FYN: variants seen among roughly 807,000 people sequenced by gnomAD.
FYN encodes the protein FYN proto-oncogene, Src family tyrosine kinase, also known as tyrosine-protein kinase Fyn.
FYN carries 10 observed loss-of-function variants against 70.2 expected under a neutral mutation model. That is an observed-to-expected ratio of 0.14 (90% confidence interval 0.09 to 0.24). The LOEUF is 0.24. Ranked by LOEUF, FYN falls within the 10% of genes least tolerant of loss-of-function variation. The probability of loss-of-function intolerance (pLI) is 1.00; values close to 1 mark genes in which losing one functional copy is unlikely to be tolerated. For synonymous variants in FYN, 236 were observed against 248.6 expected, an observed-to-expected ratio of 0.95 and a Z score of 0.48; for missense variants, 319 against 673.1, an observed-to-expected ratio of 0.47 and a Z score of 5.82.
At chr6:111,710,108 C>G (rs706879) in intron 5 of FYN, among the ~76,000 whole-genome samples, 1 of 152,038 alleles carries the variant, frequency 6.6e-6, no homozygotes, top group East Asian at 1.9e-4. Flanking sequence ...TACCCAGCTC[C>G]TCCCCCTCCA....
chr6:111,794,135 C>A (rs1260890735), intron 2 of FYN, among the ~76,000 whole-genome samples: 1 of 152,220 alleles, frequency 6.6e-6, no homozygotes, highest in African/African-American at 2.4e-5. Context: ...GACACCCGGG[C>A]CTTTCTTTGG....
chr6:111,730,960 G>A (rs1801420473), intron 3 of FYN, among the ~76,000 whole-genome samples: 1 of 152,206 alleles, frequency 6.6e-6, no homozygotes, highest in South Asian at 2.1e-4. Flanking sequence ...TCTGGGCTGC[G>A]CCTGTTTAAG....
intron 2 of FYN, among the ~76,000 whole-genome samples, chr6:111,846,099 T>C (rs1010315163): frequency 2.0e-5 from 3 of 152,188 alleles, no homozygotes; most frequent in African/African-American, 7.2e-5. Context: ...AAATGTTACA[T>C]TAATGAAAGA....
At chr6:111,672,343 A>G (rs1431121752) in intron 13 of FYN, among the ~76,000 whole-genome samples, 1 of 152,166 alleles carries the variant, frequency 6.6e-6, no homozygotes, top group Admixed American at 6.5e-5. Flanking sequence ...ATCACAGCCC[A>G]CTGCAGACCA....
At chr6:111,798,819 T>C (rs1216228920) in intron 2 of FYN, among the ~76,000 whole-genome samples, 2 of 152,256 alleles carry the variant, frequency 1.3e-5, no homozygotes, top group Non-Finnish European at 2.9e-5. Context: ...CAGTGCCAGA[T>C]GGATTCTACA....
chr6:111,707,851 G>A (rs913556613), intron 6 of FYN, 71 bp downstream of exon 6: 37 of 1,215,914 alleles, frequency 3.0e-5, no homozygotes, highest in Non-Finnish European at 4.5e-5. Flanking sequence ...CCTGCCCAAT[G>A]CTGATGGCAT....
At chr6:111,834,879 G>A (rs887185617) in intron 2 of FYN, among the ~76,000 whole-genome samples, 3 of 152,030 alleles carry the variant, frequency 2.0e-5, no homozygotes, top group African/African-American at 7.3e-5. Context: ...CATTCCTATA[G>A]AATAATCCCA....
Position 111,827,715 on chromosome 6 carries a change from G to C in FYN, c.-82+18874C>G, listed in dbSNP as rs2114396207. Among the ~76,000 whole-genome samples, 3 of 152,258 alleles carry C rather than the reference G, an allele frequency of 2.0e-5. No homozygotes were observed. In the Middle Eastern group the frequency reaches 0.01, roughly 518 times the overall value. ...AGTTTTACCCACCCACACAATTACA[G>C]TGTTCACAATTATTCCTCAGCTATT... On this transcript the variant is annotated intron_variant, in intron 2 of 13. Coordinates refer to ENST00000354650, the MANE Select transcript of FYN (RefSeq NM_002037.5).
chr6:111,729,337 G>A (rs529005545), intron 3 of FYN, among the ~76,000 whole-genome samples: 20 of 152,124 alleles, frequency 1.3e-4, no homozygotes, highest in Admixed American at 7.2e-4. Context: ...AGATGGGTGT[G>A]GTGGCAGGCA....
At position 111,764,349 on chromosome 6, in the gene FYN, G is replaced by A. The variant is rs577564913; in HGVS notation, c.-12+16217C>T. Among the ~76,000 whole-genome samples the A allele has an allele frequency of 3.8e-4, 58 of 152,138 alleles. No homozygotes were observed. In the South Asian group the frequency reaches 0.012, roughly 31 times the overall value. On this transcript the variant is annotated intron_variant, in intron 3 of 13. Transcript: ENST00000354650. ...ACTGGGGTTACTGGTGCAGGGTTGG[G>A]GGCCCCACATCTCACTCTCACGGCT... is the stretch of plus-strand genomic sequence containing the variant.
At chr6:111,821,664 C>A (rs9372314) in intron 2 of FYN, among the ~76,000 whole-genome samples, 6,296 of 152,120 alleles carry the variant, frequency 0.041, 159 homozygotes, top group East Asian at 0.14. Context: ...AGCTTCTGCA[C>A]AGCAAAAGAA....
chr6:111,845,831 C>T (rs1013908310), intron 2 of FYN, among the ~76,000 whole-genome samples: 2 of 152,150 alleles, frequency 1.3e-5, no homozygotes, highest in African/African-American at 2.4e-5. Flanking sequence ...AGTGGGGGAA[C>T]TCAAGGCACC....
At chr6:111,801,228 G>C (rs1023436988) in intron 2 of FYN, among the ~76,000 whole-genome samples, 1 of 152,198 alleles carries the variant, frequency 6.6e-6, no homozygotes, top group Non-Finnish European at 1.5e-5. Flanking sequence ...GTAGTATCTT[G>C]ATCTTCTGGC....
rs1184273795 is a variant in FYN at position 111,700,084 on chromosome 6, G to A, written c.862+20C>T. The A allele has an allele frequency of 6.2e-7, 1 of 1,611,480 alleles. No individual in the cohort carries two copies. Among genetic ancestry groups the A allele is most frequent in the South Asian group, 1.1e-5 (1 of 90,956 alleles). On this transcript the variant is annotated intron_variant, in intron 9 of 13. Transcript: ENST00000354650. The stretch of plus-strand genomic sequence containing the variant: ...TCCAAACGGGGAAGCTAATAAGAGA[G>A]TAATTGAGTCTCAGCATACCCATCC...
intron 2 of FYN, among the ~76,000 whole-genome samples, chr6:111,832,609 T>TCA (rs75779840): frequency 1.3e-5 from 2 of 151,938 alleles, no homozygotes; most frequent in South Asian, 2.1e-4. Context: ...TTGATCATCA[T>TCA]TTTAATTAAT....
Position 111,661,966 on chromosome 6 carries a change from T to TGA in FYN, c.1406-21_1406-20dup, listed in dbSNP as rs1388029118. On this transcript the variant is annotated intron_variant, in intron 13 of 13. Transcript: ENST00000354650. The surrounding 1 kb of genome is among the most constrained non-coding windows in gnomAD (Gnocchi z 4.0). ...TTCATGCCTGCAAAGACAAGCGCAG[T>TGA]GAGAGTGGGCACCCCGGGGATCCAG... 1.9e-6 allele frequency: 3 copies of TGA among 1,582,332 alleles called. No homozygotes were observed. The East Asian group carries it at 6.7e-5, about 36-fold the overall frequency.
intron 3 of FYN, among the ~76,000 whole-genome samples, chr6:111,760,685 G>A (rs1226723673): frequency 1.3e-5 from 2 of 152,234 alleles, no homozygotes; most frequent in Non-Finnish European, 2.9e-5. Context: ...AGCCCAGGCT[G>A]CAATTAGGTT....
At chr6:111,862,477 C>G (rs1168761543) in intron 1 of FYN, among the ~76,000 whole-genome samples, 1 of 152,180 alleles carries the variant, frequency 6.6e-6, no homozygotes, top group Non-Finnish European at 1.5e-5. Flanking sequence ...AAGCCAGCCT[C>G]ATAGCGCAGA....
At chr6:111,714,539 T>C in intron 4 of FYN, 96 bp from the exon 5 acceptor site, 1 of 878,146 alleles carries the variant, frequency 1.1e-6, no homozygotes, top group Non-Finnish European at 1.9e-6. Context: ...TCTCACAATC[T>C]ACATCTAGCC....
Sources: gnomAD v4.1 joint callset for allele counts (sites outside exome capture counted in the v4.1 genomes callset) on GRCh38, gnomAD v4.1.1 for gene constraint, Gnocchi (gnomAD v3.1) non-coding constraint, MANE v1.5 for transcripts, NCBI Gene and HGNC (gene_info 2026-07-23, HGNC 2026-07-21) for gene names.